The following SMYD3 variants were observed in gnomAD, a reference collection of about 807,000 sequenced individuals.
SMYD3 encodes the protein SET and MYND domain containing 3.
A neutral mutation model predicts 57.7 loss-of-function variants in SMYD3; 36 were observed. The observed-to-expected ratio is 0.62, with a 90% confidence interval of 0.48 to 0.82. SMYD3 has a LOEUF of 0.82. Among genes scored for constraint, SMYD3 ranks in the 40% least tolerant of loss-of-function variants. SMYD3 has a pLI of 0.00. For synonymous variants in SMYD3, 211 were observed against 195.0 expected, an observed-to-expected ratio of 1.08 and a Z score of -0.68; for missense variants, 515 against 538.8, an observed-to-expected ratio of 0.96 and a Z score of 0.44.
intron 11 of SMYD3, among the ~76,000 whole-genome samples, chr1:245,759,008 C>T (rs1486763270): frequency 6.6e-6 from 1 of 152,146 alleles, no homozygotes; most frequent in Non-Finnish European, 1.5e-5. Context: ...TACTGCCAGG[C>T]GGGAGTACAA....
intron 5 of SMYD3, among the ~76,000 whole-genome samples, chr1:246,281,279 G>C (rs1572332337): frequency 6.6e-6 from 1 of 152,282 alleles, no homozygotes; most frequent in East Asian, 1.9e-4. Flanking sequence ...AATGGCCCAG[G>C]ACAATGTGTT....
At position 246,138,757 on chromosome 1, in the gene SMYD3, T is replaced by C. The variant is rs574158982; in HGVS notation, c.531+188444A>G. ...TATTTTTAAAAAAAGTTTAAATACT[T>C]TGCACAGTACCTAAATTTCTTTGTA... On this transcript the variant is annotated intron_variant, in intron 5 of 11. Transcript: ENST00000490107. 3.3e-5 allele frequency among the ~76,000 whole-genome samples: 5 copies of C among 152,150 alleles called. No individual in the cohort carries two copies. In the East Asian group the frequency reaches 9.6e-4, roughly 29 times the overall value.
chr1:245,862,501 CTT>C (rs67392373), intron 9 of SMYD3, among the ~76,000 whole-genome samples: 84,273 of 151,662 alleles, frequency 0.56, 26,572 homozygotes, highest in Non-Finnish European at 0.73. Flanking sequence ...CTTTTGAACT[CTT>C]TTTTTTCTTT....
intron 5 of SMYD3, among the ~76,000 whole-genome samples, chr1:246,003,627 G>A (rs1051997973): frequency 3.3e-5 from 5 of 152,040 alleles, no homozygotes; most frequent in Non-Finnish European, 5.9e-5. Flanking sequence ...ATTGCCTTTA[G>A]ATGTACCTTT....
intron 5 of SMYD3, among the ~76,000 whole-genome samples, chr1:246,062,897 A>C (rs1402096966): frequency 1.3e-5 from 2 of 152,236 alleles, no homozygotes; most frequent in Non-Finnish European, 1.5e-5. Context: ...ATGCTAGCTC[A>C]AAATAACCCT....
At chr1:246,451,535 C>T (rs1268996116) in intron 1 of SMYD3, among the ~76,000 whole-genome samples, 4 of 152,194 alleles carry the variant, frequency 2.6e-5, no homozygotes, top group Non-Finnish European at 4.4e-5. Flanking sequence ...AGGGAAATTA[C>T]TCTATGATAT....
At chr1:246,497,147 A>G (rs1485553083) in intron 1 of SMYD3, among the ~76,000 whole-genome samples, 1 of 152,348 alleles carries the variant, frequency 6.6e-6, no homozygotes, top group East Asian at 1.9e-4. Flanking sequence ...ATAAACTGTA[A>G]GGAGATCAAC....
chr1:246,229,301 T>TA (rs1316542667), intron 5 of SMYD3, among the ~76,000 whole-genome samples: 18 of 151,698 alleles, frequency 1.2e-4, no homozygotes, highest in East Asian at 7.7e-4. Flanking sequence ...TTACTAATTT[T>TA]AAAAAAAAGG....
intron 5 of SMYD3, among the ~76,000 whole-genome samples, chr1:246,286,664 T>G (rs2064571969): frequency 6.6e-6 from 1 of 152,180 alleles, no homozygotes; most frequent in Non-Finnish European, 1.5e-5. Flanking sequence ...TCTTTGTATA[T>G]CCACCTAGTA....
chr1:246,368,891 C>T (rs575450783), intron 1 of SMYD3, among the ~76,000 whole-genome samples: 2 of 152,296 alleles, frequency 1.3e-5, no homozygotes, highest in East Asian at 3.9e-4. Context: ...CTTGCTCCTC[C>T]GCCTGCAGAT....
At position 245,800,214 on chromosome 1, in the gene SMYD3, G is replaced by A. The variant is rs186436227; in HGVS notation, c.1077-36065C>T. On this transcript the variant is annotated intron_variant, in intron 10 of 11. Transcript: ENST00000490107. Reference sequence around the variant, plus strand: ...TTCTCTGAGGCTGGCCAGCCCCTCCGGTAGTTCACTTTACTCTCACAACTG... The same window carrying A: ...TTCTCTGAGGCTGGCCAGCCCCTCCAGTAGTTCACTTTACTCTCACAACTG... 9.2e-5 allele frequency among the ~76,000 whole-genome samples: 14 copies of A among 152,152 alleles called. No individual in the cohort carries two copies. The East Asian group carries it at 1.9e-3, about 21-fold the overall frequency.
chr1:246,287,781 C>T (rs2064600937), intron 5 of SMYD3, among the ~76,000 whole-genome samples: 1 of 152,108 alleles, frequency 6.6e-6, no homozygotes, highest in South Asian at 2.1e-4. Flanking sequence ...ATTATGACAC[C>T]TATAAATCAA....
At chr1:246,000,545 CCTT>C (rs2059020558) in intron 5 of SMYD3, among the ~76,000 whole-genome samples, 1 of 152,158 alleles carries the variant, frequency 6.6e-6, no homozygotes, top group Non-Finnish European at 1.5e-5. Flanking sequence ...ATGACACAAA[CCTT>C]CTCCAGACTC....
intron 5 of SMYD3, among the ~76,000 whole-genome samples, chr1:246,208,855 C>G (rs1384019439): frequency 6.6e-6 from 1 of 152,072 alleles, no homozygotes; most frequent in Non-Finnish European, 1.5e-5. Flanking sequence ...GGGGGAAAAC[C>G]AAGTGTAAAG....
intron 5 of SMYD3, among the ~76,000 whole-genome samples, chr1:246,141,839 C>T (rs189985538): frequency 6.6e-6 from 1 of 152,172 alleles, no homozygotes; most frequent in Non-Finnish European, 1.5e-5. Context: ...TCAGTGGAAG[C>T]AGAGTCGAGC....
At chr1:246,413,992 T>C (rs2102989389) in intron 1 of SMYD3, among the ~76,000 whole-genome samples, 1 of 152,344 alleles carries the variant, frequency 6.6e-6, no homozygotes, top group South Asian at 2.1e-4. Flanking sequence ...GCTAATGTAA[T>C]ATTGAATATG....
At chr1:245,999,839 G>T (rs1558571028) in intron 5 of SMYD3, among the ~76,000 whole-genome samples, 1 of 152,178 alleles carries the variant, frequency 6.6e-6, no homozygotes, top group Non-Finnish European at 1.5e-5. Context: ...CGGAACTCGA[G>T]GTTATAAAAT....
At chr1:246,440,095 T>A (rs114482247) in intron 1 of SMYD3, among the ~76,000 whole-genome samples, 3 of 152,310 alleles carry the variant, frequency 2.0e-5, no homozygotes, top group Admixed American at 6.5e-5. Flanking sequence ...TTTACAACAA[T>A]CTATTGATGA....
chr1:245,884,006 T>G lies in SMYD3; in HGVS notation c.814-20120A>C, dbSNP rs942021312. 2.6e-5 allele frequency among the ~76,000 whole-genome samples: 4 copies of G among 152,202 alleles called. No individual in the cohort carries two copies. The East Asian group carries it at 5.8e-4, about 22-fold the overall frequency. On this transcript the variant is annotated intron_variant, in intron 8 of 11. Transcript: ENST00000490107. ...TTCTATTTAATCTCAAATATTAAAT[T>G]TATACAGGGATATCCAGGTCAGAGG...
Sources: allele counts gnomAD v4.1 joint callset (sites outside exome capture counted in the v4.1 genomes callset), GRCh38; gene constraint gnomAD v4.1.1; transcripts MANE v1.5; gene names NCBI Gene and HGNC (gene_info 2026-07-23, HGNC 2026-07-21).